AP2A1: variants seen among roughly 807,000 people sequenced by gnomAD.
AP2A1 encodes AP-2 complex subunit alpha-1.
Under a neutral mutation model 107.3 loss-of-function variants are expected in AP2A1, and 21 were observed. The observed-to-expected ratio is 0.20, with a 90% CI of 0.14 to 0.28. The LOEUF (loss-of-function observed/expected upper bound fraction) is 0.28, where lower values mean the gene tolerates loss of function less well. Among genes scored for constraint, AP2A1 ranks in the 10% least tolerant of loss-of-function variants. AP2A1 has a pLI of 1.00. For synonymous variants in AP2A1, 602 were observed against 564.8 expected (o/e 1.07, Z -0.93); for missense variants, 873 against 1,307.7 (o/e 0.67, Z 5.13).
At position 49,795,707 on chromosome 19, in the gene AP2A1, C is replaced by T. The variant is rs1484151027; in HGVS notation, c.783C>T (p.Leu261=). 1 of 1,562,992 alleles carries T rather than the reference C, an allele frequency of 6.4e-7. No homozygotes were observed. Among genetic ancestry groups the T allele is most frequent in the Non-Finnish European group, 8.7e-7 (1 of 1,154,698 alleles). The change falls in exon 7 of 23, where the codon CTC becomes CTT. Residue 261 remains leucine, a synonymous_variant. Transcript: ENST00000354293. ...FVPAPWLSVK[L]LRLLQCYPPP... ...CAGCACCCTGGCTCTCGGTGAAGCTCCTGCGGCTGCTGCAGTGCTACCCGC... is the reference window on the plus strand; with the variant it reads ...CAGCACCCTGGCTCTCGGTGAAGCTTCTGCGGCTGCTGCAGTGCTACCCGC...
chr19:49,802,033 C>A lies in AP2A1; in HGVS notation c.2006C>A (p.Pro669Gln). The A allele has an allele frequency of 6.4e-7, 1 of 1,568,748 alleles. No homozygotes were observed. The highest frequency in any genetic ancestry group is 8.6e-7 in the Non-Finnish European group (1 of 1,162,070). The change falls in exon 15 of 23, where the codon CCG (proline) becomes CAG (glutamine). Residue 669 changes from proline to glutamine, a missense_variant. By Grantham distance (76) the Pro-to-Gln change is moderately conservative. This residue lies in a region of AP2A1 where 416 missense variants were observed against 473.4 expected (regional missense o/e 0.88). Transcript: ENST00000354293. ...CTGGGGCTGCGGGCAGCCCCTCCCC[C>A]GGCAGCACCCCCGGCTTCTGCAGGA... is the stretch of plus-strand genomic sequence containing the variant. ...DLLGLRAAPP[P>Q]AAPPASAGAG...
intron 7 of AP2A1, chr19:49,796,116 A>T (rs937495470): frequency 4.1e-6 from 1 of 242,016 alleles, no homozygotes; most frequent in Non-Finnish European, 8.2e-6. Flanking sequence ...GTGCTACCTG[A>T]ATTACCATAG....
chr19:49,780,586 C>G (rs920317647), intron 1 of AP2A1, among the ~76,000 whole-genome samples: 3 of 152,088 alleles, frequency 2.0e-5, no homozygotes, highest in African/African-American at 7.2e-5. Flanking sequence ...ATCACAGAGC[C>G]CAGGATATGG....
At chr19:49,797,751 CAG>C (rs1037323529) in intron 7 of AP2A1, among the ~76,000 whole-genome samples, 6 of 152,016 alleles carry the variant, frequency 3.9e-5, no homozygotes, top group Middle Eastern at 3.4e-3. Context: ...AATAAAAAAA[CAG>C]AATATATATC....
At chr19:49,779,200 G>T (rs2084647279) in intron 1 of AP2A1, among the ~76,000 whole-genome samples, 1 of 151,808 alleles carries the variant, frequency 6.6e-6, no homozygotes, top group Admixed American at 6.6e-5. Flanking sequence ...GCTAGGGGTG[G>T]GTGGCAGGCG....
Position 49,802,566 on chromosome 19 carries a change from T to G in AP2A1, c.2115-383T>G, listed in dbSNP as rs745870176. 1.2e-5 allele frequency: 19 copies of G among 1,589,946 alleles called. No individual in the cohort carries two copies. The highest frequency in any genetic ancestry group is 1.5e-5 in the Non-Finnish European group (18 of 1,170,918). ...GAGCCGCCTGCCCCCGAGAGCCCCATGGCTTTGCTGGCTGACCCAGCTCCA... is the reference window on the plus strand; with the variant it reads ...GAGCCGCCTGCCCCCGAGAGCCCCAGGGCTTTGCTGGCTGACCCAGCTCCA... On this transcript the variant is annotated intron_variant, in intron 15 of 22. Coordinates refer to ENST00000354293, the MANE Select transcript of AP2A1 (RefSeq NM_130787.3).
rs1051689717 is a variant in AP2A1, at chr19:49,798,722, G to A, written c.815-80G>A. On this transcript the variant is annotated intron_variant, in intron 7 of 22. Transcript: ENST00000354293. ...CGAGCTCCTCCTTTGGAAGACAGGA[G>A]CTGGGGCATGGCCACCACCCCAGCA... 1.9e-5 allele frequency: 29 copies of A among 1,519,450 alleles called. No homozygotes were observed. The East Asian group carries it at 1.9e-4, about 10-fold the overall frequency. The allele number at this position is 1,519,450 out of a possible 1,614,324, so 94.1% of individuals were successfully genotyped here.
intron 1 of AP2A1, among the ~76,000 whole-genome samples, chr19:49,767,574 CG>C (rs2084515993): frequency 1.3e-5 from 2 of 151,636 alleles, no homozygotes. Flanking sequence ...AAGTGTATGG[CG>C]GGGGTGCCCT....
Position 49,781,839 on chromosome 19 carries a change from C to G in AP2A1, c.136+14C>G. ...CCAAGTTCAAAGGTAGGCTGGGGGC[C>G]CAACTTCTGGTTCTGAGGGAGGAGG... On this transcript the variant is annotated intron_variant, in intron 2 of 22. Transcript: ENST00000354293. 6.2e-7 allele frequency: 1 copy of G among 1,610,626 alleles called. No homozygotes were observed. Among genetic ancestry groups the G allele is most frequent in the Non-Finnish European group, 8.5e-7 (1 of 1,178,304 alleles).
chr19:49,801,357 C>A, intron 12 of AP2A1, 33 bp from the exon 13 acceptor site: 1 of 1,590,296 alleles, frequency 6.3e-7, no homozygotes, highest in Non-Finnish European at 8.6e-7. Flanking sequence ...GGCAGTGGAA[C>A]CTGGCCCCGC....
intron 6 of AP2A1, 30 bp from the exon 7 acceptor site, chr19:49,795,600 C>T: frequency 8.4e-7 from 1 of 1,190,226 alleles, no homozygotes; most frequent in African/African-American, 1.5e-5. Flanking sequence ...CACCCCAGCC[C>T]CCAACTTATT....
chr19:49,800,228 C>T (rs894136196), intron 11 of AP2A1, 78 bp downstream of exon 11: 1 of 1,471,180 alleles, frequency 6.8e-7, no homozygotes, highest in East Asian at 2.5e-5. Context: ...GGCCGTGGCG[C>T]CTGCCAGCCC....
At chr19:49,798,091 CCTGCGGAAAATT>C (rs2073233126) in intron 7 of AP2A1, among the ~76,000 whole-genome samples, 1 of 152,204 alleles carries the variant, frequency 6.6e-6, no homozygotes, top group Admixed American at 6.5e-5. Flanking sequence ...GGTGAATTTT[CCTGCGGAAAATT>C]CTGCAGAAAA....
rs2084720672 is a variant in AP2A1, at chr19:49,785,028, G to A, written c.473+2304G>A. 1.3e-5 allele frequency among the ~76,000 whole-genome samples: 2 copies of A among 152,216 alleles called. No homozygotes were observed. The highest frequency in any genetic ancestry group is 2.1e-4 in the South Asian group (1 of 4,838). On this transcript the variant is annotated intron_variant, in intron 4 of 22. Transcript: ENST00000354293. This position sits in a 1 kb window ranked among gnomAD's most constrained non-coding sequence, Gnocchi z 4.1. ...CAAAATGCAGCCCAAAGAAGACAAA[G>A]CGATGGGGATTTTAGGAAAGAGACA...
At position 49,782,742 on chromosome 19, in the gene AP2A1, C is replaced by T. The variant is rs186121482; in HGVS notation, c.473+18C>T. On this transcript the variant is annotated intron_variant, in intron 4 of 22. Coordinates refer to ENST00000354293, the MANE Select transcript of AP2A1 (RefSeq NM_130787.3). ...GTGGCCGGGTAAGGCACTGGGGACC[C>T]GTTGGCAGTGGGGGGCCTGGGGGTG... 9.2e-5 allele frequency: 144 copies of T among 1,564,330 alleles called. No homozygotes were observed. The highest frequency in any genetic ancestry group is 5.5e-4 in the East Asian group (23 of 41,990).
At position 49,782,646 on chromosome 19, in the gene AP2A1, T is replaced by G; in HGVS notation, c.395T>G (p.Leu132Arg). Residue 132 changes from leucine to arginine, a missense_variant, in exon 4 of 23, where the codon CTG becomes CGG. Physicochemically the swap from Leu to Arg is moderately radical, Grantham distance 102. Around this residue, in one of 4 missense-constraint regions of AP2A1, gnomAD observed 87 missense variants for 178.2 expected, o/e 0.49. Transcript: ENST00000354293. ...AACCCCACCTTCATGTGCCTGGCCC[T>G]GCACTGCATCGCCAACGTGGGCAGC... ...SRNPTFMCLA[L>R]HCIANVGSRE... 1 of 1,613,526 alleles carries G rather than the reference T, an allele frequency of 6.2e-7. No homozygotes were observed. Among genetic ancestry groups the G allele is most frequent in the Non-Finnish European group, 8.5e-7 (1 of 1,179,772 alleles).
chr19:49,781,486 C>T (rs2084674895), intron 1 of AP2A1, among the ~76,000 whole-genome samples: 1 of 152,096 alleles, frequency 6.6e-6, no homozygotes, highest in African/African-American at 2.4e-5. Context: ...AGGAGCCCCA[C>T]AAATCAGGGG....
chr19:49,802,942 C>A lies in AP2A1; in HGVS notation c.2115-7C>A, dbSNP rs752518728. 20 of 1,612,122 alleles carry A rather than the reference C, an allele frequency of 1.2e-5. No individual in the cohort carries two copies. The highest frequency in any genetic ancestry group is 1.7e-5 in the Non-Finnish European group (20 of 1,179,318). On this transcript the variant is annotated splice_region_variant and splice_polypyrimidine_tract_variant and intron_variant, in intron 15 of 22. Transcript: ENST00000354293. The stretch of plus-strand genomic sequence containing the variant: ...CCTTCCCATCTCACTCTGCTCCATG[C>A]CTCCAGCCCAGGTCCTGAGGACATC...
chr19:49,802,026 C>T lies in AP2A1; in HGVS notation c.1999C>T (p.Pro667Ser). 6.4e-7 allele frequency: 1 copy of T among 1,564,056 alleles called. No individual in the cohort carries two copies. Among genetic ancestry groups the T allele is most frequent in the Non-Finnish European group, 8.6e-7 (1 of 1,159,948 alleles). Reference sequence around the variant, plus strand: ...CGACCTCCTGGGGCTGCGGGCAGCCCCTCCCCCGGCAGCACCCCCGGCTTC... The same window carrying T: ...CGACCTCCTGGGGCTGCGGGCAGCCTCTCCCCCGGCAGCACCCCCGGCTTC... ...SADLLGLRAA[P>S]PPAAPPASAG... The change falls in exon 15 of 23, where the codon CCT (proline) becomes TCT (serine). Residue 667 changes from proline (P) to serine (S), a missense_variant. By Grantham distance (74) the Pro-to-Ser change is moderately conservative. Coordinates refer to ENST00000354293, the MANE Select transcript of AP2A1 (RefSeq NM_130787.3).
Sources: allele counts gnomAD v4.1 joint callset (sites outside exome capture counted in the v4.1 genomes callset), GRCh38; gene constraint gnomAD v4.1.1; regional missense constraint gnomAD v4.1.1; non-coding constraint Gnocchi (gnomAD v3.1); transcripts MANE v1.5; gene names NCBI Gene and HGNC (gene_info 2026-07-23, HGNC 2026-07-21).